MKKS: variants seen among roughly 807,000 people sequenced by gnomAD.
The protein encoded by MKKS is MKKS centrosomal shuttling protein.
MKKS carries 29 observed loss-of-function variants against 33.2 expected under a neutral mutation model. That is an observed-to-expected ratio of 0.87 (90% confidence interval 0.65 to 1.19). MKKS has a LOEUF of 1.19. Among genes scored for constraint, MKKS ranks in the 50% most tolerant of loss-of-function variants. The pLI is 0.00. For missense variants in MKKS, 661 were observed against 662.3 expected, an observed-to-expected ratio of 1.00 and a Z score of 0.02; for synonymous variants, 260 against 244.0, an observed-to-expected ratio of 1.07 and a Z score of -0.61.
intron 1 of MKKS, among the ~76,000 whole-genome samples, chr20:10,423,291 CG>C (rs551534603): frequency 1.3e-5 from 2 of 152,098 alleles, no homozygotes; most frequent in African/African-American, 4.8e-5. Context: ...TGGTGGCGCA[CG>C]CCTGTAGTTC....
At position 10,404,601 on chromosome 20, in the gene MKKS, C is replaced by G. The variant is rs1471775581; in HGVS notation, c.*646G>C. ...GAAGACATTACAATGTTGCTTTAGCCTTGGTTACTATATAAATCTACTTTT... is the reference window on the plus strand; with the variant it reads ...GAAGACATTACAATGTTGCTTTAGCGTTGGTTACTATATAAATCTACTTTT... On this transcript the variant is annotated 3_prime_UTR_variant, in exon 6 of 6. Transcript: ENST00000347364. 6.6e-6 allele frequency: 1 copy of G among 152,028 alleles called. No homozygotes were observed. Among genetic ancestry groups the G allele is most frequent in the African/African-American group, 2.4e-5 (1 of 41,358 alleles). 9.4% of individuals were successfully genotyped at this position (152,028 alleles called of 1,614,324 possible).
chr20:10,412,342 T>A (rs2064894886), intron 3 of MKKS, among the ~76,000 whole-genome samples, 188 bp downstream of exon 3: 1 of 152,178 alleles, frequency 6.6e-6, no homozygotes, highest in South Asian at 2.1e-4. Context: ...AAAATGGCTA[T>A]AATCACTGCA....
intron 2 of MKKS, among the ~76,000 whole-genome samples, chr20:10,417,165 C>T (rs1433009713): frequency 1.3e-5 from 2 of 149,448 alleles, no homozygotes; most frequent in Non-Finnish European, 3.0e-5. Flanking sequence ...GCAGGAGAAT[C>T]ACTTCAACCC....
chr20:10,413,751 T>G lies in MKKS; in HGVS notation c.-237A>C. Reference sequence around the variant, plus strand: ...TATTTTACTTCACTCTTCAATACTCTTTTGTTTGCTTTGAGACTGAAATTT... The same window carrying G: ...TATTTTACTTCACTCTTCAATACTCGTTTGTTTGCTTTGAGACTGAAATTT... On this transcript the variant is annotated 5_prime_UTR_variant, in exon 3 of 6. Coordinates refer to ENST00000347364, the MANE Select transcript of MKKS (RefSeq NM_170784.3). The G allele has an allele frequency of 1.7e-6, 1 of 594,434 alleles. No homozygotes were observed. The highest frequency in any genetic ancestry group is 3.0e-6 in the Non-Finnish European group (1 of 338,818). 36.8% of individuals were successfully genotyped at this position (594,434 alleles called of 1,614,324 possible). A position where few individuals can be genotyped will look rare whatever the true frequency, so the allele number is the denominator to read the frequency against.
rs565880686 is a variant in MKKS, at chr20:10,433,615, A to G, written c.-649+493T>C. Among the ~76,000 whole-genome samples the G allele has an allele frequency of 7.5e-4, 115 of 152,346 alleles. 2 individuals carry two copies. Among genetic ancestry groups the G allele is most frequent in the East Asian group, 3.9e-4 (2 of 5,176 alleles). Reference sequence around the variant, plus strand: ...AGAGGGTCATCCCTACAAGGTCCACAGCCCTGCAAGCCCCGCGGCTGCTTT... The same window carrying G: ...AGAGGGTCATCCCTACAAGGTCCACGGCCCTGCAAGCCCCGCGGCTGCTTT... On this transcript the variant is annotated intron_variant, in intron 1 of 5. Transcript: ENST00000347364.
intron 1 of MKKS, among the ~76,000 whole-genome samples, chr20:10,431,124 A>G (rs957787241): frequency 6.6e-6 from 1 of 152,186 alleles, no homozygotes; most frequent in Non-Finnish European, 1.5e-5. Context: ...GGCAGCCATT[A>G]CTTTTATTGG....
chr20:10,406,675 C>T (rs1287106249), intron 5 of MKKS, among the ~76,000 whole-genome samples: 1 of 152,134 alleles, frequency 6.6e-6, no homozygotes, highest in Non-Finnish European at 1.5e-5. Flanking sequence ...GTTAAAAAAT[C>T]CATATCTTAA....
intron 3 of MKKS, among the ~76,000 whole-genome samples, chr20:10,410,981 G>T (rs112869317): frequency 6.6e-6 from 1 of 151,540 alleles, no homozygotes; most frequent in Non-Finnish European, 1.5e-5. Context: ...TGGTTTCTAC[G>T]GGAAAATGTT....
At chr20:10,433,814 C>A (rs1442345418) in intron 1 of MKKS, among the ~76,000 whole-genome samples, 1 of 152,126 alleles carries the variant, frequency 6.6e-6, no homozygotes, top group Non-Finnish European at 1.5e-5. Context: ...AAGGCGGCAG[C>A]GCAGGTGGGA....
At chr20:10,419,635 T>C (rs1411026528) in intron 2 of MKKS, among the ~76,000 whole-genome samples, 1 of 152,234 alleles carries the variant, frequency 6.6e-6, no homozygotes, top group African/African-American at 2.4e-5. Context: ...AATACTCCTG[T>C]GCTTTGGGTA....
At chr20:10,422,788 T>C (rs973541825) in intron 1 of MKKS, among the ~76,000 whole-genome samples, 6 of 151,728 alleles carry the variant, frequency 4.0e-5, no homozygotes, top group Non-Finnish European at 1.5e-5. Flanking sequence ...CTCAGCTCAC[T>C]GCAAGCTCCG....
chr20:10,426,789 T>C (rs2122274455), intron 1 of MKKS, among the ~76,000 whole-genome samples: 1 of 152,314 alleles, frequency 6.6e-6, no homozygotes, highest in East Asian at 1.9e-4. Flanking sequence ...CTTACAGTTC[T>C]GGAGGTAAGA....
At chr20:10,429,824 A>T (rs1354956072) in intron 1 of MKKS, among the ~76,000 whole-genome samples, 1 of 152,152 alleles carries the variant, frequency 6.6e-6, no homozygotes, top group Non-Finnish European at 1.5e-5. Flanking sequence ...CAACAGTGCC[A>T]TTAGCAACAC....
chr20:10,430,878 G>C (rs1415928169), intron 1 of MKKS, among the ~76,000 whole-genome samples: 2 of 152,208 alleles, frequency 1.3e-5, no homozygotes, highest in African/African-American at 4.8e-5. Flanking sequence ...CTGAAACTTG[G>C]TCGACATTTT....
chr20:10,422,812 C>T (rs991782958), intron 1 of MKKS, among the ~76,000 whole-genome samples: 8 of 151,484 alleles, frequency 5.3e-5, no homozygotes, highest in Admixed American at 2.0e-4. Flanking sequence ...CCCAGGTTCA[C>T]GCCATTCTCC....
chr20:10,422,963 G>A (rs1431891354), intron 1 of MKKS, among the ~76,000 whole-genome samples: 1 of 151,952 alleles, frequency 6.6e-6, no homozygotes, highest in Non-Finnish European at 1.5e-5. Context: ...CGCTCGCCTC[G>A]GCCTCCCAAA....
chr20:10,424,125 A>G (rs375023593), intron 1 of MKKS, among the ~76,000 whole-genome samples: 3 of 152,322 alleles, frequency 2.0e-5, no homozygotes, highest in African/African-American at 7.2e-5. Flanking sequence ...TAATTCACAT[A>G]AAAACAATAA....
rs1378850678 is a variant in MKKS, at chr20:10,413,309, A to G, written c.206T>C (p.Val69Ala). 2.5e-6 allele frequency: 4 copies of G among 1,614,188 alleles called. No homozygotes were observed. Among genetic ancestry groups the G allele is most frequent in the South Asian group, 1.1e-5 (1 of 91,088 alleles). The change falls in exon 3 of 6, where the codon GTC becomes GCC. Residue 69 changes from valine (V) to alanine (A), a missense_variant. Val to Ala is a moderately conservative substitution (Grantham distance 64, BLOSUM62 0). Coordinates refer to ENST00000347364, the MANE Select transcript of MKKS (RefSeq NM_170784.3). ...QSSALLSHLL[V>A]THPILKILTA... ...CAGGATCTTTAAAATGGGATGTGTG[A>G]CCAAAAGGTGACTGAGCAGAGCTGA...
At chr20:10,430,704 C>T (rs1040479803) in intron 1 of MKKS, among the ~76,000 whole-genome samples, 1 of 152,132 alleles carries the variant, frequency 6.6e-6, no homozygotes, top group African/African-American at 2.4e-5. Context: ...TATTATAGGA[C>T]AGATAACTGT....
Sources: gnomAD v4.1 joint callset for allele counts (sites outside exome capture counted in the v4.1 genomes callset) on GRCh38, gnomAD v4.1.1 for gene constraint, MANE v1.5 for transcripts, NCBI Gene and HGNC (gene_info 2026-07-23, HGNC 2026-07-21) for gene names.